The following MAN1B1 variants were observed in gnomAD, a reference collection of about 807,000 sequenced individuals.
The protein encoded by MAN1B1 is mannosidase alpha class 1B member 1.
Under a neutral mutation model 75.5 loss-of-function variants are expected in MAN1B1, and 66 were observed. That is an observed-to-expected ratio of 0.87 (90% CI 0.72 to 1.07). The LOEUF (loss-of-function observed/expected upper bound fraction) is 1.07. MAN1B1 is among the 50% of genes least tolerant of loss of function. The pLI is 0.00. For synonymous variants in MAN1B1, 453 were observed against 382.8 expected, an observed-to-expected ratio of 1.18 and a Z score of -2.14; for missense variants, 973 against 912.5, an observed-to-expected ratio of 1.07 and a Z score of -0.85.
At chr9:137,089,457 A>G (rs1485044559) in intron 3 of MAN1B1, among the ~76,000 whole-genome samples, 1 of 152,162 alleles carries the variant, frequency 6.6e-6, no homozygotes, top group East Asian at 1.9e-4. Context: ...GGCACCGGGC[A>G]AGGTGGGGAG....
At chr9:137,102,805 T>G in intron 8 of MAN1B1, 1 of 449,396 alleles carries the variant, frequency 2.2e-6, no homozygotes, top group Non-Finnish European at 4.4e-6. Flanking sequence ...TTCATGCTGT[T>G]GCAGGCGTGC....
At chr9:137,101,215 T>C in intron 7 of MAN1B1, 62 bp downstream of exon 7, 1 of 1,592,204 alleles carries the variant, frequency 6.3e-7, no homozygotes, top group South Asian at 1.1e-5. Context: ...GTTACCCCTT[T>C]AGTGGACTTG....
At chr9:137,100,440 A>G (rs1380525369) in intron 6 of MAN1B1, among the ~76,000 whole-genome samples, 3 of 152,228 alleles carry the variant, frequency 2.0e-5, no homozygotes, top group Non-Finnish European at 4.4e-5. Flanking sequence ...GACGACTTCA[A>G]GATTTACCCC....
intron 10 of MAN1B1, 137 bp from the exon 11 acceptor site, chr9:137,107,113 C>A: frequency 2.1e-6 from 2 of 945,872 alleles, no homozygotes; most frequent in Non-Finnish European, 1.6e-6. Flanking sequence ...CTGTTCCATG[C>A]CAAGTGCCCT....
intron 12 of MAN1B1, 193 bp downstream of exon 12, chr9:137,107,855 G>T: frequency 2.7e-6 from 2 of 734,906 alleles, no homozygotes; most frequent in South Asian, 3.3e-5. Flanking sequence ...TGAGCTTCAT[G>T]GTTGTGGGAC....
rs766924643 is a variant in MAN1B1 at position 137,099,683 on chromosome 9, T to TC, written c.731-7dup. On this transcript the variant is annotated splice_polypyrimidine_tract_variant and intron_variant, in intron 5 of 12. Coordinates refer to ENST00000371589, the MANE Select transcript of MAN1B1 (RefSeq NM_016219.5). Reference sequence around the variant, plus strand: ...CACGTCCGCCATGGCCTGTGCTCTCTCCCCCCTACTAGTGCATCTGAACTA... The same window carrying TC: ...CACGTCCGCCATGGCCTGTGCTCTCTCCCCCCCTACTAGTGCATCTGAACTA... The TC allele has an allele frequency of 1.2e-6, 2 of 1,613,730 alleles. No homozygotes were observed. Among genetic ancestry groups the TC allele is most frequent in the East Asian group, 2.2e-5 (1 of 44,884 alleles).
At chr9:137,092,663 G>A (rs1356495738) in intron 3 of MAN1B1, among the ~76,000 whole-genome samples, 1 of 152,216 alleles carries the variant, frequency 6.6e-6, no homozygotes, top group Non-Finnish European at 1.5e-5. Context: ...GTCCTATGAC[G>A]TGTATCATGA....
chr9:137,093,212 G>A (rs1830560701), intron 3 of MAN1B1, among the ~76,000 whole-genome samples: 1 of 152,142 alleles, frequency 6.6e-6, no homozygotes, highest in Middle Eastern at 3.4e-3. Flanking sequence ...TGGCCAACAT[G>A]GTGAAACCCC....
chr9:137,108,962 C>T lies in MAN1B1; in HGVS notation c.*371C>T, dbSNP rs566220693. 7.2e-5 allele frequency: 34 copies of T among 472,986 alleles called. No individual in the cohort carries two copies. The highest frequency in any genetic ancestry group is 5.1e-4 in the South Asian group (33 of 64,700). 29.3% of individuals were successfully genotyped at this position (472,986 alleles called of 1,614,324 possible). On this transcript the variant is annotated 3_prime_UTR_variant, in exon 13 of 13. Coordinates refer to ENST00000371589, the MANE Select transcript of MAN1B1 (RefSeq NM_016219.5). ...CCCAGGGTGCAGCTCTGCCCGGGCT[C>T]GTGAAGCCTCAGATGTCCCCAATCC...
At chr9:137,089,156 G>A (rs1830457452) in intron 3 of MAN1B1, 151 bp downstream of exon 3, 3 of 979,664 alleles carry the variant, frequency 3.1e-6, no homozygotes, top group Non-Finnish European at 4.8e-6. Flanking sequence ...AATACTTGGG[G>A]AAAGAGAGGC....
rs1230298482 is a variant in MAN1B1, at chr9:137,088,916, G to C, written c.376G>C (p.Ala126Pro). The C allele has an allele frequency of 6.2e-7, 1 of 1,613,984 alleles. No homozygotes were observed. Among genetic ancestry groups the C allele is most frequent in the Admixed American group, 1.7e-5 (1 of 60,018 alleles). The change falls in exon 3 of 13, where the codon GCT (alanine) becomes CCT (proline). Residue 126 changes from alanine to proline, a missense_variant. By Grantham distance (27) the Ala-to-Pro change is conservative. Coordinates refer to ENST00000371589, the MANE Select transcript of MAN1B1 (RefSeq NM_016219.5). ...AGAGCAGAAGATGAGGCCAGAAATT[G>C]CTGGGTTAAAACCAGCAAATCCACC... ...EEEQKMRPEI[A>P]GLKPANPPVL...
Position 137,099,775 on chromosome 9 carries a change from C to T in MAN1B1, c.810C>T (p.Gly270=). ...AAGGATACCGCAAGTTTGCATGGGGCCATGACGAGCTGAAGCCTGTGTCCA... is the reference window on the plus strand; with the variant it reads ...AAGGATACCGCAAGTTTGCATGGGGTCATGACGAGCTGAAGCCTGTGTCCA... ...AWKGYRKFAW[G]HDELKPVSRS... is the part of the protein sequence containing the mutation. Residue 270 remains glycine, a synonymous_variant, in exon 6 of 13, where the codon GGC becomes GGT. Coordinates refer to ENST00000371589, the MANE Select transcript of MAN1B1 (RefSeq NM_016219.5). The T allele has an allele frequency of 6.2e-7, 1 of 1,614,226 alleles. No homozygotes were observed. The highest frequency in any genetic ancestry group is 8.5e-7 in the Non-Finnish European group (1 of 1,180,048).
Position 137,107,521 on chromosome 9 carries a change from C to T in MAN1B1, c.1765-10C>T, listed in dbSNP as rs373364967. ...GGCTGGCCTTGCCCTGAGCTCTGCT[C>T]CGCCCACAGCCAGCAGACAGGCACA... On this transcript the variant is annotated splice_polypyrimidine_tract_variant and intron_variant, in intron 11 of 12. Coordinates refer to ENST00000371589, the MANE Select transcript of MAN1B1 (RefSeq NM_016219.5). The T allele has an allele frequency of 2.4e-5, 38 of 1,612,936 alleles. No individual in the cohort carries two copies. The highest frequency in any genetic ancestry group is 5.3e-5 in the African/African-American group (4 of 75,058).
In MAN1B1 at chr9:137,087,186, A is replaced by C; in HGVS notation, c.187A>C (p.Ser63Arg). Residue 63 changes from serine (S) to arginine (R), a missense_variant, in exon 1 of 13, where the codon AGC becomes CGC. By Grantham distance (110) the Ser-to-Arg change is moderately radical. Transcript: ENST00000371589. ...GAGCTTTGGCGAGAACTATGACAACAGCAAGAGTTGGCGGCGGCGCTCGTG... is the reference window on the plus strand; with the variant it reads ...GAGCTTTGGCGAGAACTATGACAACCGCAAGAGTTGGCGGCGGCGCTCGTG... ...TLSFGENYDN[S>R]KSWRRRSCWR... 8.8e-6 allele frequency: 14 copies of C among 1,590,820 alleles called. No individual in the cohort carries two copies. Among genetic ancestry groups the C allele is most frequent in the Non-Finnish European group, 1.0e-5 (12 of 1,169,434 alleles).
rs1435893089 is a variant in MAN1B1 at position 137,106,106 on chromosome 9, A to G, written c.1255-19A>G. 3 of 1,608,648 alleles carry G rather than the reference A, an allele frequency of 1.9e-6. No individual in the cohort carries two copies. Among genetic ancestry groups the G allele is most frequent in the East Asian group, 2.2e-5 (1 of 44,850 alleles). ...CTCGGCCCTGGCCAGTAAACCCACC[A>G]TCCCCCTTTCTGCCGCAGGAGGCAG... is the stretch of plus-strand genomic sequence containing the variant. On this transcript the variant is annotated intron_variant, in intron 8 of 12. Coordinates refer to ENST00000371589, the MANE Select transcript of MAN1B1 (RefSeq NM_016219.5).
intron 3 of MAN1B1, among the ~76,000 whole-genome samples, chr9:137,092,641 G>A (rs990061397): frequency 7.2e-5 from 11 of 152,252 alleles, no homozygotes; most frequent in African/African-American, 2.7e-4. Flanking sequence ...TAAAGGTTGT[G>A]AAGATTTTGA....
chr9:137,097,906 C>A lies in MAN1B1; in HGVS notation c.699C>A (p.Pro233=). ...GAGCAGAAGTGCCCACCAAGCCTCC[C>A]CTGCCACCGGCCAGGACACAGGGCA... is the stretch of plus-strand genomic sequence containing the variant. ...SRRAEVPTKP[P]LPPARTQGTP... The change falls in exon 5 of 13, where the codon CCC becomes CCA. Residue 233 remains proline (P), a synonymous_variant. Transcript: ENST00000371589. The A allele has an allele frequency of 1.3e-6, 2 of 1,560,112 alleles. No homozygotes were observed. The highest frequency in any genetic ancestry group is 1.7e-6 in the Non-Finnish European group (2 of 1,152,508).
chr9:137,088,823 G>A (rs770914912), intron 2 of MAN1B1, 46 bp from the exon 3 acceptor site: 13 of 1,609,910 alleles, frequency 8.1e-6, no homozygotes, highest in Non-Finnish European at 1.1e-5. Context: ...TAAATCTCTT[G>A]TAGGCCTTGT....
Position 137,108,892 on chromosome 9 carries a change from G to A in MAN1B1, c.*301G>A, listed in dbSNP as rs1312266214. ...CAGGTCTCTGTGGGCCGACCAGAGG[G>A]GGGCTTCGAGGTGGTCCCTGGTACT... On this transcript the variant is annotated 3_prime_UTR_variant, in exon 13 of 13. Coordinates refer to ENST00000371589, the MANE Select transcript of MAN1B1 (RefSeq NM_016219.5). 3.1e-5 allele frequency: 17 copies of A among 550,282 alleles called. No individual in the cohort carries two copies. The highest frequency in any genetic ancestry group is 5.5e-5 in the Non-Finnish European group (16 of 288,674). The allele number at this position is 550,282 out of a possible 1,614,324, so 34.1% of individuals were successfully genotyped here. A position where few individuals can be genotyped will look rare whatever the true frequency, so the allele number is the denominator to read the frequency against.
Sources: gnomAD v4.1 joint callset for allele counts (sites outside exome capture counted in the v4.1 genomes callset) on GRCh38, gnomAD v4.1.1 for gene constraint, MANE v1.5 for transcripts, NCBI Gene and HGNC (gene_info 2026-07-23, HGNC 2026-07-21) for gene names.